Variants in SGCZ observed in about 807,000 individuals in gnomAD.
The protein encoded by SGCZ is sarcoglycan zeta.
SGCZ carries 40 observed loss-of-function variants against 41.3 expected under a neutral mutation model. The ratio of observed to expected loss-of-function variants is 0.97; its 90% CI spans 0.75 to 1.26. The LOEUF (loss-of-function observed/expected upper bound fraction) is 1.26. SGCZ is among the 50% of genes most tolerant of loss of function. The probability of loss-of-function intolerance (pLI) is 0.00; values close to 1 mark genes in which losing one functional copy is unlikely to be tolerated. For missense variants in SGCZ, 552 were observed against 369.8 expected (o/e 1.49, Z -4.04); for synonymous variants, 206 against 137.5 (o/e 1.50, Z -3.49).
At chr8:14,950,358 C>A (rs1030930234) in intron 1 of SGCZ, among the ~76,000 whole-genome samples, 5 of 151,308 alleles carry the variant, frequency 3.3e-5, no homozygotes, top group African/African-American at 1.2e-4. Context: ...TTTTTTCTTT[C>A]TTCCTTCCTC....
intron 2 of SGCZ, among the ~76,000 whole-genome samples, chr8:14,452,824 G>A (rs570203246): frequency 8.5e-5 from 13 of 152,064 alleles, no homozygotes; most frequent in Non-Finnish European, 1.6e-4. Context: ...GTAAGGGGCC[G>A]GGTGTGGACT....
chr8:14,850,155 A>G (rs1177375207), intron 1 of SGCZ, among the ~76,000 whole-genome samples: 3 of 152,208 alleles, frequency 2.0e-5, no homozygotes, highest in Non-Finnish European at 4.4e-5. Context: ...GCTTTACTTC[A>G]AAGTATCTCA....
At chr8:14,354,097 A>T (rs1178061404) in intron 2 of SGCZ, among the ~76,000 whole-genome samples, 1 of 151,998 alleles carries the variant, frequency 6.6e-6, no homozygotes, top group Non-Finnish European at 1.5e-5. Context: ...GTTTTTCGGG[A>T]AAGGAGTGTT....
At chr8:14,800,861 G>A (rs1036284397) in intron 1 of SGCZ, among the ~76,000 whole-genome samples, 14 of 152,024 alleles carry the variant, frequency 9.2e-5, no homozygotes, top group Admixed American at 4.6e-4. Context: ...TATAGAGGTG[G>A]AATGCTAGTC....
chr8:14,291,376 G>C (rs1315066357), intron 3 of SGCZ, among the ~76,000 whole-genome samples: 1 of 151,928 alleles, frequency 6.6e-6, no homozygotes, highest in African/African-American at 2.4e-5. Context: ...CATCAATACA[G>C]GATTTATACA....
chr8:15,146,044 G>T (rs1460066336), intron 1 of SGCZ, among the ~76,000 whole-genome samples: 11 of 152,116 alleles, frequency 7.2e-5, no homozygotes, highest in Non-Finnish European at 1.3e-4. Context: ...TAGTGGCCAT[G>T]AATAGGAGAC....
intron 1 of SGCZ, among the ~76,000 whole-genome samples, chr8:14,654,581 T>C (rs956519870): frequency 6.6e-5 from 10 of 152,022 alleles, no homozygotes; most frequent in African/African-American, 2.4e-4. Context: ...TTTGTTGTTG[T>C]TTTGTTTTGA....
intron 2 of SGCZ, among the ~76,000 whole-genome samples, chr8:14,429,066 G>T (rs970144375): frequency 2.0e-5 from 3 of 152,112 alleles, no homozygotes; most frequent in Non-Finnish European, 4.4e-5. Context: ...ATACAAACTT[G>T]GCACTGAAGA....
intron 2 of SGCZ, among the ~76,000 whole-genome samples, chr8:14,467,159 C>A (rs975564296): frequency 6.6e-6 from 1 of 151,904 alleles, no homozygotes; most frequent in Non-Finnish European, 1.5e-5. Context: ...ATTTCTGAAA[C>A]TGTGACTTCT....
chr8:14,420,430 T>G (rs1197264368), intron 2 of SGCZ, among the ~76,000 whole-genome samples: 1 of 152,094 alleles, frequency 6.6e-6, no homozygotes, highest in Non-Finnish European at 1.5e-5. Context: ...GTTGTGGATG[T>G]TTATTCAGTT....
chr8:14,587,288 G>T lies in SGCZ; in HGVS notation c.40-32362C>A, dbSNP rs188185361. Among the ~76,000 whole-genome samples, 13 of 142,086 alleles carry T rather than the reference G, an allele frequency of 9.1e-5. No homozygotes were observed. In the East Asian group the frequency reaches 2.4e-3, roughly 26 times the overall value. 93.2% of individuals were successfully genotyped at this position (142,086 alleles called of 152,430 possible). A position where few individuals can be genotyped will look rare whatever the true frequency, so the allele number is the denominator to read the frequency against. Reference sequence around the variant, plus strand: ...AGATTTTTAAAAAACTGAAAAAAATGTTTAATTAAAAAAACAAAAGAAAAT... The same window carrying T: ...AGATTTTTAAAAAACTGAAAAAAATTTTTAATTAAAAAAACAAAAGAAAAT... On this transcript the variant is annotated intron_variant, in intron 1 of 7. Transcript: ENST00000382080.
chr8:14,473,676 G>A (rs963255830), intron 2 of SGCZ, among the ~76,000 whole-genome samples: 13 of 152,088 alleles, frequency 8.5e-5, no homozygotes, highest in African/African-American at 3.1e-4. Context: ...GGTGTCTCAA[G>A]CCTGTAATCC....
intron 1 of SGCZ, among the ~76,000 whole-genome samples, chr8:14,870,334 A>G (rs1693915432): frequency 2.7e-5 from 4 of 150,864 alleles, no homozygotes; most frequent in Non-Finnish European, 6.0e-5. Context: ...CTACTACAAC[A>G]ATCTGAATTC....
chr8:15,057,948 T>C (rs1485537558), intron 1 of SGCZ, among the ~76,000 whole-genome samples: 1 of 152,206 alleles, frequency 6.6e-6, no homozygotes, highest in Non-Finnish European at 1.5e-5. Context: ...ACTCTTGCCA[T>C]AAGACACCTG....
intron 4 of SGCZ, among the ~76,000 whole-genome samples, chr8:14,183,701 A>G (rs1420936935): frequency 6.6e-6 from 1 of 152,190 alleles, no homozygotes; most frequent in Non-Finnish European, 1.5e-5. Context: ...TAATCTACCT[A>G]TACGTATTAA....
At chr8:14,258,950 T>G (rs1267305428) in intron 3 of SGCZ, among the ~76,000 whole-genome samples, 1 of 152,170 alleles carries the variant, frequency 6.6e-6, no homozygotes, top group Non-Finnish European at 1.5e-5. Context: ...GAGAGCAGGT[T>G]TATAACCTTA....
chr8:14,657,840 A>T (rs531729725), intron 1 of SGCZ, among the ~76,000 whole-genome samples: 116 of 152,308 alleles, frequency 7.6e-4, no homozygotes, highest in African/African-American at 2.7e-3. Flanking sequence ...CTTTTAAAAA[A>T]CTTAGCCACA....
chr8:14,644,364 C>T (rs72607325), intron 1 of SGCZ, among the ~76,000 whole-genome samples: 28,992 of 151,654 alleles, frequency 0.19, 3,234 homozygotes, highest in East Asian at 0.58. Context: ...ATCTAGAAAT[C>T]CTGCTGACCT....
In SGCZ at chr8:14,929,434, T is replaced by G. The variant is rs561783108; in HGVS notation, c.39+308151A>C. ...TGCCAAACTGATACTCTCACCCAGATATGTTGTTAGGAAAGTATCTTACCG... is the reference window on the plus strand; with the variant it reads ...TGCCAAACTGATACTCTCACCCAGAGATGTTGTTAGGAAAGTATCTTACCG... On this transcript the variant is annotated intron_variant, in intron 1 of 7. Coordinates refer to ENST00000382080, the MANE Select transcript of SGCZ (RefSeq NM_139167.4). Among the ~76,000 whole-genome samples the G allele has an allele frequency of 7.9e-5, 12 of 152,058 alleles. No individual in the cohort carries two copies. In the East Asian group the frequency reaches 2.3e-3, roughly 29 times the overall value.
Sources: allele counts gnomAD v4.1 joint callset (sites outside exome capture counted in the v4.1 genomes callset), GRCh38; gene constraint gnomAD v4.1.1; transcripts MANE v1.5; gene names NCBI Gene and HGNC (gene_info 2026-07-23, HGNC 2026-07-21).